Variants in SPMAP2L observed in about 807,000 individuals in gnomAD.
The protein encoded by SPMAP2L is sperm microtubule associated protein 2 like.
chr4:56,612,097 A>G, the SPMAP2L span, among the ~76,000 whole-genome samples: 1 of 152,164 alleles, frequency 6.6e-6, no homozygotes, highest in South Asian at 2.1e-4. Context: ...CTGTGTGAGG[A>G]CCAGAAGAGG....
the SPMAP2L span, among the ~76,000 whole-genome samples, chr4:56,560,269 T>C: frequency 6.6e-6 from 1 of 152,176 alleles, no homozygotes; most frequent in Admixed American, 6.5e-5. Context: ...GACTGGCCAC[T>C]CCCTTCTCTA....
chr4:56,608,155 A>G, the SPMAP2L span, among the ~76,000 whole-genome samples: 9 of 152,322 alleles, frequency 5.9e-5, no homozygotes, highest in Non-Finnish European at 2.9e-5. Context: ...CATTGTATTC[A>G]TATGATATTT....
chr4:56,580,834 A>G, the SPMAP2L span, among the ~76,000 whole-genome samples: 1 of 152,284 alleles, frequency 6.6e-6, no homozygotes, highest in Admixed American at 6.5e-5. Flanking sequence ...TATATCTACT[A>G]TCAATGAACA....
the SPMAP2L span, among the ~76,000 whole-genome samples, chr4:56,605,465 A>G: frequency 0.032 from 4,695 of 148,026 alleles, 152 homozygotes; most frequent in African/African-American, 0.087. Flanking sequence ...CTTTGATCCC[A>G]TGGGAAAGTG....
At chr4:56,587,518 C>G in the SPMAP2L span, among the ~76,000 whole-genome samples, 2 of 148,674 alleles carry the variant, frequency 1.3e-5, no homozygotes, top group African/African-American at 4.9e-5. Flanking sequence ...CATTCTTATG[C>G]CTTTGCGTCC....
chr4:56,537,744 G>T, the SPMAP2L span, among the ~76,000 whole-genome samples: 1 of 151,450 alleles, frequency 6.6e-6, no homozygotes, highest in Non-Finnish European at 1.5e-5. Context: ...AGGCTGGAGT[G>T]CAGTGGCGCG....
the SPMAP2L span, among the ~76,000 whole-genome samples, chr4:56,586,744 G>A: frequency 6.6e-6 from 1 of 152,142 alleles, no homozygotes; most frequent in East Asian, 1.9e-4. Flanking sequence ...GAGAGAACAG[G>A]TGGAAGCTGC....
At chr4:56,587,304 T>G in the SPMAP2L span, among the ~76,000 whole-genome samples, 1 of 152,200 alleles carries the variant, frequency 6.6e-6, no homozygotes, top group African/African-American at 2.4e-5. Context: ...ATTTCTTCAT[T>G]CAACTTTTTT....
chr4:56,608,236 G>C, the SPMAP2L span, among the ~76,000 whole-genome samples: 7 of 152,138 alleles, frequency 4.6e-5, no homozygotes, highest in Non-Finnish European at 8.8e-5. Flanking sequence ...AATAAAATGT[G>C]AGAAGTGAGA....
chr4:56,603,047 C>T, the SPMAP2L span, among the ~76,000 whole-genome samples: 1 of 152,140 alleles, frequency 6.6e-6, no homozygotes, highest in African/African-American at 2.4e-5. Flanking sequence ...ATTCATTTAA[C>T]TTCATTTAAC....
the SPMAP2L span, among the ~76,000 whole-genome samples, chr4:56,566,639 A>G: frequency 2.0e-4 from 29 of 147,632 alleles, no homozygotes; most frequent in African/African-American, 7.0e-4. Context: ...CTACCTTTCT[A>G]TCTTTAATTT....
chr4:56,542,078 A>T, the SPMAP2L span, among the ~76,000 whole-genome samples: 32 of 152,260 alleles, frequency 2.1e-4, no homozygotes, highest in Non-Finnish European at 4.1e-4. Context: ...TTAGGTCTTG[A>T]AGGAAACCAA....
the SPMAP2L span, among the ~76,000 whole-genome samples, chr4:56,562,805 G>A: frequency 5.1e-3 from 494 of 97,496 alleles, 5 homozygotes; most frequent in African/African-American, 0.017. Context: ...TACTATGTGT[G>A]TATTTACATA....
the SPMAP2L span, among the ~76,000 whole-genome samples, chr4:56,556,670 C>T: frequency 3.9e-5 from 6 of 152,038 alleles, no homozygotes; most frequent in East Asian, 1.9e-4. Flanking sequence ...GTCAAGAGTT[C>T]GAGACAGCCT....
the SPMAP2L span, chr4:56,592,869 G>A: frequency 1.2e-6 from 2 of 1,609,792 alleles, no homozygotes; most frequent in East Asian, 2.2e-5. Context: ...ATCGGCCCTG[G>A]GGACAAAGAC....
chr4:56,593,036 A>C, the SPMAP2L span: 2 of 1,595,290 alleles, frequency 1.3e-6, no homozygotes, highest in African/African-American at 2.7e-5. Flanking sequence ...TTCAAGCAAA[A>C]ACCAGATCTG....
the SPMAP2L span, chr4:56,531,048 C>G: frequency 1.3e-6 from 2 of 1,535,586 alleles, no homozygotes; most frequent in Admixed American, 3.9e-5. Flanking sequence ...TCCGCCACAC[C>G]CGTGAGCCCC....
At chr4:56,530,779 A>G in the SPMAP2L span, 35 of 1,535,228 alleles carry the variant, frequency 2.3e-5, no homozygotes, top group African/African-American at 4.8e-4. Flanking sequence ...CCAGAAGCCC[A>G]TTGTGCTCAG....
chr4:56,551,116 G>A, the SPMAP2L span, among the ~76,000 whole-genome samples: 4 of 152,176 alleles, frequency 2.6e-5, no homozygotes, highest in Non-Finnish European at 5.9e-5. Flanking sequence ...TGCTGTGTCA[G>A]TGACTGAATC....
Sources: gnomAD v4.1 joint callset for allele counts (sites outside exome capture counted in the v4.1 genomes callset) on GRCh38, gnomAD v4.1.1 for gene constraint, MANE v1.5 for transcripts, NCBI Gene and HGNC (gene_info 2026-07-23, HGNC 2026-07-21) for gene names.